Variants in ANXA13 observed in about 807,000 individuals in gnomAD.
The protein encoded by ANXA13 is annexin XIII.
A neutral mutation model predicts 46.6 loss-of-function variants in ANXA13; 36 were observed. The ratio of observed to expected loss-of-function variants is 0.77; its 90% CI spans 0.59 to 1.02. The LOEUF is 1.02. Ranked by LOEUF, ANXA13 falls within the 50% of genes least tolerant of loss-of-function variation. ANXA13 has a pLI of 0.00. For synonymous variants in ANXA13, 163 were observed against 152.9 expected (o/e 1.07, Z -0.49); for missense variants, 417 against 396.5 (o/e 1.05, Z -0.44).
intron 1 of ANXA13, among the ~76,000 whole-genome samples, chr8:123,716,215 A>G (rs1184471375): frequency 6.6e-6 from 1 of 152,138 alleles, no homozygotes; most frequent in Non-Finnish European, 1.5e-5. Flanking sequence ...CCACCCAAGT[A>G]GCTGGGATTA....
At chr8:123,695,621 T>A in intron 5 of ANXA13, 40 bp from the exon 6 acceptor site, 1 of 1,610,316 alleles carries the variant, frequency 6.2e-7, no homozygotes, top group South Asian at 1.1e-5. Flanking sequence ...AAGCAGATGA[T>A]TTAGTTTCCC....
At chr8:123,728,208 C>A (rs1814040183) in intron 1 of ANXA13, 1 of 152,134 alleles carries the variant, frequency 6.6e-6, no homozygotes, top group Non-Finnish European at 1.5e-5. Flanking sequence ...GATTTTGTGT[C>A]CTGGGGAAAA....
intron 1 of ANXA13, among the ~76,000 whole-genome samples, chr8:123,724,251 T>C (rs1186855248): frequency 6.6e-6 from 1 of 152,134 alleles, no homozygotes; most frequent in Non-Finnish European, 1.5e-5. Context: ...TAAATAGAGT[T>C]TGGGGCTCTT....
chr8:123,717,791 G>T (rs944171409), intron 1 of ANXA13, among the ~76,000 whole-genome samples: 14 of 152,214 alleles, frequency 9.2e-5, no homozygotes, highest in South Asian at 4.1e-4. Context: ...TTCTGACGGG[G>T]CGTGTCTCAG....
At chr8:123,711,872 C>G (rs1813665959) in intron 2 of ANXA13, 1 of 152,348 alleles carries the variant, frequency 6.6e-6, no homozygotes, top group Admixed American at 6.5e-5. Context: ...TTCGGCCTCC[C>G]AAAGTATTGG....
intron 1 of ANXA13, among the ~76,000 whole-genome samples, chr8:123,713,841 C>T (rs935775769): frequency 1.3e-5 from 2 of 152,226 alleles, no homozygotes; most frequent in East Asian, 3.9e-4. Context: ...TATAGGTGCA[C>T]GCCACCATGC....
intron 3 of ANXA13, among the ~76,000 whole-genome samples, chr8:123,700,656 TTAGAC>T (rs1288049641): frequency 6.6e-6 from 1 of 152,194 alleles, no homozygotes; most frequent in African/African-American, 2.4e-5. Context: ...TTACTCTTCT[TTAGAC>T]TAAAGACTAA....
intron 1 of ANXA13, among the ~76,000 whole-genome samples, chr8:123,723,082 C>G (rs1188160784): frequency 6.6e-6 from 1 of 152,170 alleles, no homozygotes; most frequent in East Asian, 1.9e-4. Flanking sequence ...GATAAATTGC[C>G]AAATATATTT....
intron 6 of ANXA13, 63 bp from the exon 7 acceptor site, chr8:123,693,842 C>A: frequency 7.0e-7 from 1 of 1,426,442 alleles, no homozygotes; most frequent in Non-Finnish European, 9.8e-7. Flanking sequence ...AACAAACTAA[C>A]AAAAAAAACA....
chr8:123,688,950 C>T lies in ANXA13; in HGVS notation c.643-4G>A, dbSNP rs757542864. On this transcript the variant is annotated splice_polypyrimidine_tract_variant and splice_region_variant and intron_variant, in intron 8 of 10. Coordinates refer to ENST00000419625, the MANE Select transcript of ANXA13 (RefSeq NM_004306.4). Reference sequence around the variant, plus strand: ...CTTCTATGTCTTTGCCAATGAGCTGCAGCGAAAACCAAAATCAACTGTTAT... The same window carrying T: ...CTTCTATGTCTTTGCCAATGAGCTGTAGCGAAAACCAAAATCAACTGTTAT... The T allele has an allele frequency of 6.8e-6, 11 of 1,613,226 alleles. No individual in the cohort carries two copies. The highest frequency in any genetic ancestry group is 9.3e-6 in the Non-Finnish European group (11 of 1,179,548).
chr8:123,725,550 T>A (rs1366782627), intron 1 of ANXA13, among the ~76,000 whole-genome samples: 1 of 152,172 alleles, frequency 6.6e-6, no homozygotes, highest in Non-Finnish European at 1.5e-5. Context: ...TCCACAGACA[T>A]GGTTAGTAGA....
rs201281842 is a variant in ANXA13, at chr8:123,693,319, A to C, written c.541-21T>G. The C allele has an allele frequency of 4.0e-5, 65 of 1,607,090 alleles. No individual in the cohort carries two copies. The African/African-American group carries it at 8.0e-4, about 20-fold the overall frequency. ...CCTGCCTCAAGGGTCAAATACAAAC[A>C]CTTTGAAAAAGGCTTTTGTGAAAAG... On this transcript the variant is annotated intron_variant, in intron 7 of 10. Transcript: ENST00000419625.
chr8:123,687,203 A>G (rs1458081894), intron 9 of ANXA13, among the ~76,000 whole-genome samples: 1 of 152,146 alleles, frequency 6.6e-6, no homozygotes, highest in East Asian at 1.9e-4. Flanking sequence ...AATAGTTTTA[A>G]TACCATCTTC....
chr8:123,712,248 C>T, intron 2 of ANXA13: 1 of 182,130 alleles, frequency 5.5e-6, no homozygotes, highest in Non-Finnish European at 1.2e-5. Context: ...TATAAGAAGT[C>T]CCTCTGCTCT....
intron 9 of ANXA13, among the ~76,000 whole-genome samples, chr8:123,687,853 G>GC (rs1813168447): frequency 6.6e-6 from 1 of 152,186 alleles, no homozygotes; most frequent in South Asian, 2.1e-4. Context: ...GTCAGACACA[G>GC]CCCCATGCCC....
intron 9 of ANXA13, 46 bp from the exon 10 acceptor site, chr8:123,684,768 T>A (rs1318225179): frequency 6.9e-7 from 1 of 1,449,750 alleles, no homozygotes; most frequent in East Asian, 2.3e-5. Flanking sequence ...TCACGTTTTG[T>A]GGAATGACCT....
chr8:123,735,711 G>C (rs755790377), intron 1 of ANXA13: 1 of 1,573,564 alleles, frequency 6.4e-7, no homozygotes. Flanking sequence ...CCATGACAGA[G>C]CAGGGGTCAT....
chr8:123,683,213 G>T (rs188892563), intron 10 of ANXA13, among the ~76,000 whole-genome samples: 1 of 152,122 alleles, frequency 6.6e-6, no homozygotes, highest in East Asian at 1.9e-4. Flanking sequence ...GAGAGAGAGA[G>T]ACATGGCCTT....
At chr8:123,698,355 G>A in intron 4 of ANXA13, 34 bp downstream of exon 4, 1 of 1,608,558 alleles carries the variant, frequency 6.2e-7, no homozygotes, top group Non-Finnish European at 8.5e-7. Context: ...TATTGGGTGT[G>A]TGATGCTCCC....
Sources: gnomAD v4.1 joint callset for allele counts (sites outside exome capture counted in the v4.1 genomes callset) on GRCh38, gnomAD v4.1.1 for gene constraint, MANE v1.5 for transcripts, NCBI Gene and HGNC (gene_info 2026-07-23, HGNC 2026-07-21) for gene names.